PSMG2: variants seen among roughly 807,000 people sequenced by gnomAD.
PSMG2 encodes CD40 ligand-activated specific transcript 3.
In PSMG2, 21 loss-of-function variants were observed where a neutral mutation model predicts 31.5. That is an observed-to-expected ratio of 0.67 (90% CI 0.47 to 0.96). PSMG2 has a LOEUF of 0.96. Among genes scored for constraint, PSMG2 ranks in the 40% least tolerant of loss-of-function variants. The pLI is 0.00. For synonymous variants in PSMG2, 120 were observed against 110.4 expected (o/e 1.09, Z -0.54); for missense variants, 318 against 321.2 (o/e 0.99, Z 0.08).
intron 1 of PSMG2, among the ~76,000 whole-genome samples, chr18:12,704,217 G>A (rs2145130105): frequency 6.6e-6 from 1 of 152,256 alleles, no homozygotes; most frequent in East Asian, 1.9e-4. Flanking sequence ...TGGTGAAGAG[G>A]AAAGCCATAT....
At chr18:12,723,750 T>G (rs2040451283) in intron 5 of PSMG2, among the ~76,000 whole-genome samples, 1 of 152,214 alleles carries the variant, frequency 6.6e-6, no homozygotes, top group Non-Finnish European at 1.5e-5. Context: ...TCTTTCATAT[T>G]TACTGTGTGG....
rs949253408 is a variant in PSMG2 at position 12,695,867 on chromosome 18, C to G, written c.-36-10683C>G. Reference sequence around the variant, plus strand: ...CATTCCTTCTCCACACACACACACACACACACACACACACACACTAAAAAT... The same window carrying G: ...CATTCCTTCTCCACACACACACACAGACACACACACACACACACTAAAAAT... On this transcript the variant is annotated intron_variant, in intron 1 of 6. Coordinates refer to the PSMG2 transcript ENST00000585331. Among the ~76,000 whole-genome samples, 377 of 151,974 alleles carry G rather than the reference C, an allele frequency of 2.5e-3. 3 individuals carry two copies. The highest frequency in any genetic ancestry group is 8.8e-3 in the African/African-American group (364 of 41,452).
intron 1 of PSMG2, among the ~76,000 whole-genome samples, chr18:12,661,025 T>C (rs1274139306): frequency 1.3e-5 from 2 of 152,214 alleles, no homozygotes; most frequent in Non-Finnish European, 2.9e-5. Context: ...TTTGATAAGC[T>C]GGCCAGGCAT....
At chr18:12,721,153 C>G (rs2040427695) in intron 5 of PSMG2, among the ~76,000 whole-genome samples, 1 of 149,398 alleles carries the variant, frequency 6.7e-6, no homozygotes. Context: ...GCACTCCAGC[C>G]TGGGAGACAG....
chr18:12,687,316 C>T (rs958606944), intron 1 of PSMG2, among the ~76,000 whole-genome samples: 1 of 152,050 alleles, frequency 6.6e-6, no homozygotes, highest in Non-Finnish European at 1.5e-5. Context: ...CCAATATAGT[C>T]CCATACTTTA....
At chr18:12,715,461 A>C (rs1307323235) in intron 3 of PSMG2, among the ~76,000 whole-genome samples, 1 of 152,190 alleles carries the variant, frequency 6.6e-6, no homozygotes, top group Non-Finnish European at 1.5e-5. Flanking sequence ...AGGAGGTTAG[A>C]AATACAGGAT....
At chr18:12,719,579 G>C (rs999386029) in intron 4 of PSMG2, among the ~76,000 whole-genome samples, 3 of 151,870 alleles carry the variant, frequency 2.0e-5, no homozygotes, top group African/African-American at 7.3e-5. Flanking sequence ...GTGGAGGCTG[G>C]GCTTCACTGT....
chr18:12,680,867 A>G (rs371465510), intron 1 of PSMG2: 261 of 1,548,998 alleles, frequency 1.7e-4, no homozygotes, highest in Non-Finnish European at 2.2e-4. Flanking sequence ...ATTCTTCCAT[A>G]TTATTTCCTC....
At chr18:12,696,231 C>A (rs1372626560) in intron 1 of PSMG2, among the ~76,000 whole-genome samples, 1 of 152,036 alleles carries the variant, frequency 6.6e-6, no homozygotes, top group Non-Finnish European at 1.5e-5. Context: ...ACTGGCTGGG[C>A]GCGGTGACTC....
At position 12,686,599 on chromosome 18, in the gene PSMG2, GT is replaced by G. The variant is rs1328536380; in HGVS notation, c.-36-19950del. ...CCAGTATTTGGCTGCAAAGTGCTGTGTATATAATTTCCCTTAATCCTCATCT... is the reference window on the plus strand; with the variant it reads ...CCAGTATTTGGCTGCAAAGTGCTGTGATATAATTTCCCTTAATCCTCATCT... On this transcript the variant is annotated intron_variant, in intron 1 of 6. Transcript: ENST00000585331. 6 of 567,488 alleles carry G rather than the reference GT, an allele frequency of 1.1e-5. No individual in the cohort carries two copies. In the East Asian group the frequency reaches 1.9e-4, roughly 18 times the overall value. The allele number at this position is 567,488 out of a possible 1,614,324, so 35.2% of individuals were successfully genotyped here.
chr18:12,697,196 T>A (rs1460438574), intron 1 of PSMG2: 1 of 1,478,158 alleles, frequency 6.8e-7, no homozygotes, highest in African/African-American at 1.4e-5. Flanking sequence ...TATAAAAAGG[T>A]TAACAATGAT....
At chr18:12,697,251 G>A (rs1426297489) in intron 1 of PSMG2, 1 of 1,613,296 alleles carries the variant, frequency 6.2e-7, no homozygotes, top group East Asian at 2.2e-5. Flanking sequence ...CAGTCAGACT[G>A]GTCACTCCAT....
chr18:12,704,221 G>A (rs574565855), intron 1 of PSMG2, among the ~76,000 whole-genome samples: 48 of 152,266 alleles, frequency 3.2e-4, no homozygotes, highest in African/African-American at 1.1e-3. Flanking sequence ...GAAGAGGAAA[G>A]CCATATTGGA....
At position 12,659,708 on chromosome 18, in the gene PSMG2, T is replaced by TC. The variant is rs2038655708; in HGVS notation, c.-37+939dup. Among the ~76,000 whole-genome samples the TC allele has an allele frequency of 2.6e-5, 4 of 151,368 alleles. No individual in the cohort carries two copies. In the South Asian group the frequency reaches 8.4e-4, roughly 32 times the overall value. ...ATAAATTGAAAGAGGAGAAGAAAGCTCCCCAGGCAACTTATTATAATTTCA... is the reference window on the plus strand; with the variant it reads ...ATAAATTGAAAGAGGAGAAGAAAGCTCCCCCAGGCAACTTATTATAATTTCA... On this transcript the variant is annotated intron_variant, in intron 1 of 6. Coordinates refer to the PSMG2 transcript ENST00000585331.
At position 12,677,056 on chromosome 18, in the gene PSMG2, G is replaced by A. The variant is rs115477607; in HGVS notation, c.-37+18283G>A. The stretch of plus-strand genomic sequence containing the variant: ...CAATCTCTTAATGTCTTCTCTTGAT[G>A]AGCTTAAGTCTTTAAGATACATTAA... On this transcript the variant is annotated intron_variant, in intron 1 of 6. Coordinates refer to the PSMG2 transcript ENST00000585331. Among the ~76,000 whole-genome samples, 138 of 152,258 alleles carry A rather than the reference G, an allele frequency of 9.1e-4. 1 individual carries two copies. Among genetic ancestry groups the A allele is most frequent in the African/African-American group, 3.2e-3 (132 of 41,562 alleles).
chr18:12,687,523 G>T (rs558122667), intron 1 of PSMG2, among the ~76,000 whole-genome samples: 1 of 148,698 alleles, frequency 6.7e-6, no homozygotes, highest in African/African-American at 2.5e-5. Flanking sequence ...GTGTGATTTC[G>T]GCTCGCTGCA....
At position 12,720,548 on chromosome 18, in the gene PSMG2, A is replaced by G. The variant is rs1336544822; in HGVS notation, c.446A>G (p.Lys149Arg). 1 of 1,612,088 alleles carries G rather than the reference A, an allele frequency of 6.2e-7. No homozygotes were observed. The highest frequency in any genetic ancestry group is 1.1e-5 in the South Asian group (1 of 90,744). The part of the protein sequence containing the change: ...FRYLLTPSMQ[K>R]SVQNKIKSLN... ...TACCTACTTACACCTTCCATGCAAA[A>G]AAGTGTTCAAAATAAAATAAAGAGC... Residue 149 changes from lysine (K) to arginine (R), a missense_variant, in exon 5 of 7, where the codon AAA becomes AGA. Transcript: ENST00000317615.
chr18:12,724,967 G>A (rs1293272815), intron 6 of PSMG2: 1 of 327,992 alleles, frequency 3.0e-6, no homozygotes, highest in Non-Finnish European at 5.4e-6. Context: ...GTATTGCTAT[G>A]TGAGCAATAC....
chr18:12,708,365 A>C (rs1244348867), intron 2 of PSMG2, among the ~76,000 whole-genome samples: 1 of 151,062 alleles, frequency 6.6e-6, no homozygotes, highest in Admixed American at 6.6e-5. Context: ...AATGCCATGT[A>C]CTTTTTTTTT....
Sources: gnomAD v4.1 joint callset for allele counts (sites outside exome capture counted in the v4.1 genomes callset) on GRCh38, gnomAD v4.1.1 for gene constraint, MANE v1.5 for transcripts, NCBI Gene and HGNC (gene_info 2026-07-23, HGNC 2026-07-21) for gene names.